Variants in ATP13A4 observed in about 807,000 individuals in gnomAD.
ATP13A4 encodes the protein ATPase 13A4, also known as probable cation-transporting ATPase 13A4.
Under a neutral mutation model 142.5 loss-of-function variants are expected in ATP13A4, and 114 were observed. The observed-to-expected ratio is 0.80, with a 90% CI of 0.69 to 0.93. The LOEUF (loss-of-function observed/expected upper bound fraction) is 0.93. Ranked by LOEUF, ATP13A4 falls within the 40% of genes least tolerant of loss-of-function variation. The pLI is 0.00. For missense variants in ATP13A4, 1,392 were observed against 1,454.0 expected, an observed-to-expected ratio of 0.96 and a Z score of 0.69; for synonymous variants, 488 against 514.8, an observed-to-expected ratio of 0.95 and a Z score of 0.70.
chr3:193,457,220 C>A (rs952985851), intron 15 of ATP13A4, 67 bp from the exon 16 acceptor site: 56 of 1,596,428 alleles, frequency 3.5e-5, no homozygotes, highest in Non-Finnish European at 4.5e-5. Flanking sequence ...GAATTAACCA[C>A]TCCTTCCGTA....
At chr3:193,445,359 C>G (rs1440148765) in intron 18 of ATP13A4, among the ~76,000 whole-genome samples, 1 of 151,882 alleles carries the variant, frequency 6.6e-6, no homozygotes, top group East Asian at 1.9e-4. Flanking sequence ...TCACTTGAAC[C>G]CAGGAGGCGG....
intron 1 of ATP13A4, among the ~76,000 whole-genome samples, chr3:193,542,156 A>G (rs895372983): frequency 6.6e-6 from 1 of 152,216 alleles, no homozygotes; most frequent in Non-Finnish European, 1.5e-5. Flanking sequence ...ATGTGCAAAA[A>G]TCAAAAGCAT....
intron 7 of ATP13A4, among the ~76,000 whole-genome samples, chr3:193,487,167 A>G (rs896134224): frequency 1.3e-5 from 2 of 152,194 alleles, no homozygotes; most frequent in African/African-American, 4.8e-5. Flanking sequence ...CAGGGAAAAG[A>G]GTGCTTCAGA....
rs1017779059 is a variant in ATP13A4, at chr3:193,433,896, A to C, written c.2791T>G (p.Tyr931Asp). ...LYWETNSLSNYQFLFQDLAIT... is the reference protein window; with the variant it reads ...LYWETNSLSNDQFLFQDLAIT... Reference sequence around the variant, plus strand: ...GCCAGATCCTGGAACAGAAACTGGTAATTTGAAAGGCTGTTTGTCTCCTGA... The same window carrying C: ...GCCAGATCCTGGAACAGAAACTGGTCATTTGAAAGGCTGTTTGTCTCCTGA... Residue 931 changes from tyrosine to aspartate, a missense_variant, in exon 25 of 30, where the codon TAC (tyrosine) becomes GAC (aspartate). Tyr to Asp is a radical substitution (Grantham distance 160). Coordinates refer to ENST00000342695, the MANE Select transcript of ATP13A4 (RefSeq NM_032279.4). The C allele has an allele frequency of 6.2e-7, 1 of 1,613,828 alleles. No individual in the cohort carries two copies. The highest frequency in any genetic ancestry group is 8.5e-7 in the Non-Finnish European group (1 of 1,179,706).
chr3:193,473,032 A>T (rs1475971490), intron 8 of ATP13A4, among the ~76,000 whole-genome samples: 1 of 152,230 alleles, frequency 6.6e-6, no homozygotes, highest in Non-Finnish European at 1.5e-5. Context: ...AGTAATGAGC[A>T]CATCCAGTGC....
At chr3:193,433,756 C>T in intron 25 of ATP13A4, 89 bp downstream of exon 25, 1 of 895,148 alleles carries the variant, frequency 1.1e-6, no homozygotes, top group Non-Finnish European at 1.9e-6. Context: ...GTTGCAGCTG[C>T]TGTTCCTCAT....
At chr3:193,545,973 TTGTGTGTGTGTGTGTGTGTGTGTG>T (rs3053200) in intron 1 of ATP13A4, among the ~76,000 whole-genome samples, 3 of 143,350 alleles carry the variant, frequency 2.1e-5, no homozygotes, top group South Asian at 2.3e-4. Context: ...AATGTTTAAA[TTGTGTGTGTGTGTGTGTGTGTGTG>T]TGTGTGTGTG....
intron 11 of ATP13A4, among the ~76,000 whole-genome samples, chr3:193,465,363 T>G (rs972521972): frequency 6.6e-6 from 1 of 152,152 alleles, no homozygotes; most frequent in African/African-American, 2.4e-5. Flanking sequence ...AATTTTTGTA[T>G]TTTTAGTAGA....
Position 193,491,387 on chromosome 3 carries a change from C to T in ATP13A4, c.545G>A (p.Cys182Tyr), listed in dbSNP as rs1353459550. The T allele has an allele frequency of 1.9e-6, 3 of 1,591,972 alleles. No individual in the cohort carries two copies. The highest frequency in any genetic ancestry group is 2.7e-5 in the African/African-American group (2 of 74,316). Reference sequence around the variant, plus strand: ...TTCAACATCGATAGTATTAGGCCCACATATTAACCTCCTATAGAAAGAAAT... The same window carrying T: ...TTCAACATCGATAGTATTAGGCCCATATATTAACCTCCTATAGAAAGAAAT... Reference protein sequence around the residue: ...REEQEIRRLICGPNTIDVEVT... With the variant: ...REEQEIRRLIYGPNTIDVEVT... The change falls in exon 6 of 30, where the codon TGT becomes TAT. Residue 182 changes from cysteine to tyrosine, a missense_variant. Cys to Tyr is a radical substitution (Grantham distance 194, BLOSUM62 -2). Transcript: ENST00000342695.
intron 9 of ATP13A4, among the ~76,000 whole-genome samples, chr3:193,470,292 C>T (rs181038097): frequency 1.4e-4 from 21 of 152,296 alleles, no homozygotes; most frequent in Admixed American, 5.9e-4. Flanking sequence ...CCTCACAGGT[C>T]CCACCCAGCT....
At chr3:193,457,636 T>C (rs1717710520) in intron 14 of ATP13A4, among the ~76,000 whole-genome samples, 171 bp from the exon 15 acceptor site, 1 of 152,214 alleles carries the variant, frequency 6.6e-6, no homozygotes, top group Non-Finnish European at 1.5e-5. Flanking sequence ...AAAGAATGCA[T>C]TGAAAATGCT....
chr3:193,554,000 T>C lies in ATP13A4; in HGVS notation c.60+740A>G, dbSNP rs1234329871. On this transcript the variant is annotated intron_variant, in intron 1 of 29. Coordinates refer to ENST00000342695, the MANE Select transcript of ATP13A4 (RefSeq NM_032279.4). ...TTACACAATTAGCAGAAAGATCTTA[T>C]TAAACAGAAGTACATATTTCTAACT... Among the ~76,000 whole-genome samples the C allele has an allele frequency of 2.6e-5, 4 of 152,236 alleles. No individual in the cohort carries two copies. In the East Asian group the frequency reaches 7.7e-4, roughly 29 times the overall value.
At chr3:193,422,391 T>A (rs1229425946) in intron 25 of ATP13A4, among the ~76,000 whole-genome samples, 1 of 149,510 alleles carries the variant, frequency 6.7e-6, no homozygotes, top group South Asian at 2.1e-4. Context: ...AACAGACATA[T>A]ACAAAACTTT....
intron 1 of ATP13A4, among the ~76,000 whole-genome samples, chr3:193,591,930 A>G (rs1247981327): frequency 6.6e-6 from 1 of 152,182 alleles, no homozygotes; most frequent in African/African-American, 2.4e-5. Context: ...AGGTTGGTAC[A>G]GCAAATTGCT....
chr3:193,504,243 C>T (rs980183611), intron 2 of ATP13A4, among the ~76,000 whole-genome samples: 3 of 151,928 alleles, frequency 2.0e-5, no homozygotes, highest in African/African-American at 7.3e-5. Context: ...TGGAAGGGAG[C>T]TAAATTTTCA....
intron 25 of ATP13A4, among the ~76,000 whole-genome samples, chr3:193,432,038 T>C (rs528703734): frequency 4.6e-5 from 7 of 151,854 alleles, no homozygotes; most frequent in Non-Finnish European, 1.0e-4. Flanking sequence ...GGTGGTAGAT[T>C]CAGGGTCAAA....
At chr3:193,434,475 C>A (rs1421172255) in intron 24 of ATP13A4, among the ~76,000 whole-genome samples, 1 of 152,134 alleles carries the variant, frequency 6.6e-6, no homozygotes, top group East Asian at 1.9e-4. Flanking sequence ...TGCTCCCCAC[C>A]CCTTAGTGGA....
At chr3:193,483,221 A>G (rs1195791954) in intron 8 of ATP13A4, among the ~76,000 whole-genome samples, 1 of 152,188 alleles carries the variant, frequency 6.6e-6, no homozygotes, top group Non-Finnish European at 1.5e-5. Context: ...ATGAATCTAC[A>G]GTGACAGAAA....
intron 1 of ATP13A4, among the ~76,000 whole-genome samples, chr3:193,589,019 A>G (rs937887014): frequency 6.6e-6 from 1 of 152,054 alleles, no homozygotes; most frequent in Admixed American, 6.6e-5. Flanking sequence ...ATGCACCTGT[A>G]ATCCCAGCTA....
Sources: gnomAD v4.1 joint callset for allele counts (sites outside exome capture counted in the v4.1 genomes callset) on GRCh38, gnomAD v4.1.1 for gene constraint, MANE v1.5 for transcripts, NCBI Gene and HGNC (gene_info 2026-07-23, HGNC 2026-07-21) for gene names.